Variants in KCTD8 observed in about 807,000 individuals in gnomAD.
KCTD8 encodes the protein potassium channel tetramerization domain containing 8.
Under a neutral mutation model 31.5 loss-of-function variants are expected in KCTD8, and 27 were observed. The ratio of observed to expected loss-of-function variants is 0.86; its 90% CI spans 0.63 to 1.18. The LOEUF is 1.18. KCTD8 is among the 50% of genes most tolerant of loss of function. KCTD8 has a pLI of 0.00. For synonymous variants in KCTD8, 290 were observed against 280.0 expected (o/e 1.04, Z -0.36); for missense variants, 658 against 647.7 (o/e 1.02, Z -0.17).
chr4:44,329,904 C>T (rs1303245593), intron 1 of KCTD8, among the ~76,000 whole-genome samples: 4 of 151,826 alleles, frequency 2.6e-5, no homozygotes, highest in African/African-American at 9.7e-5. Context: ...AAATGTAACT[C>T]TGACTTTTCA....
At chr4:44,252,514 C>G (rs1472503760) in intron 1 of KCTD8, among the ~76,000 whole-genome samples, 1 of 151,700 alleles carries the variant, frequency 6.6e-6, no homozygotes, top group African/African-American at 2.4e-5. Context: ...TATATCCAGG[C>G]CAACATCTGT....
chr4:44,270,485 T>C (rs1346310786), intron 1 of KCTD8, among the ~76,000 whole-genome samples: 1 of 151,868 alleles, frequency 6.6e-6, no homozygotes, highest in Non-Finnish European at 1.5e-5. Context: ...GGCAGATATA[T>C]ACATGTGTAA....
chr4:44,393,240 G>T (rs1006111608), intron 1 of KCTD8, among the ~76,000 whole-genome samples: 1 of 151,902 alleles, frequency 6.6e-6, no homozygotes, highest in African/African-American at 2.4e-5. Context: ...AGTATGATCA[G>T]GTTTCGGTAA....
chr4:44,270,891 A>C (rs993582178), intron 1 of KCTD8, among the ~76,000 whole-genome samples: 3 of 152,098 alleles, frequency 2.0e-5, no homozygotes, highest in African/African-American at 7.2e-5. Context: ...TCAGACTAGC[A>C]TTTCTTTTTA....
intron 1 of KCTD8, among the ~76,000 whole-genome samples, chr4:44,375,494 T>C (rs558216466): frequency 6.6e-6 from 1 of 152,284 alleles, no homozygotes; most frequent in Non-Finnish European, 1.5e-5. Flanking sequence ...GAGATGTCTC[T>C]GTTCCTGGTT....
chr4:44,275,606 A>C (rs544932140), intron 1 of KCTD8, among the ~76,000 whole-genome samples: 1 of 152,110 alleles, frequency 6.6e-6, no homozygotes, highest in Non-Finnish European at 1.5e-5. Context: ...AGGTTTAATC[A>C]AAGCTAAGAA....
At chr4:44,235,566 TATATATATA>T (rs1560402107) in intron 1 of KCTD8, among the ~76,000 whole-genome samples, 17 of 42,980 alleles carry the variant, frequency 4.0e-4, no homozygotes, top group East Asian at 2.8e-3. Context: ...TATATATATA[TATATATATA>T]TTTAGAGAGA....
At chr4:44,188,056 C>A (rs572558834) in intron 1 of KCTD8, among the ~76,000 whole-genome samples, 1 of 151,474 alleles carries the variant, frequency 6.6e-6, no homozygotes, top group Non-Finnish European at 1.5e-5. Context: ...GGAGCAGCAA[C>A]AATTGCCAGC....
intron 1 of KCTD8, among the ~76,000 whole-genome samples, chr4:44,216,787 C>T (rs1223338332): frequency 6.6e-6 from 1 of 152,132 alleles, no homozygotes; most frequent in Non-Finnish European, 1.5e-5. Flanking sequence ...TCTGTTCTGG[C>T]TGTTTTGTTT....
intron 1 of KCTD8, among the ~76,000 whole-genome samples, chr4:44,330,229 T>A (rs1024570546): frequency 9.9e-5 from 15 of 151,980 alleles, no homozygotes; most frequent in Non-Finnish European, 1.5e-5. Context: ...AATCTACAAA[T>A]GTGGGTCATA....
chr4:44,184,603 A>G (rs1380746229), intron 1 of KCTD8, among the ~76,000 whole-genome samples: 1 of 152,180 alleles, frequency 6.6e-6, no homozygotes. Context: ...CTTTAATTGT[A>G]AACTCCTCAA....
At chr4:44,237,549 T>C (rs1228032915) in intron 1 of KCTD8, among the ~76,000 whole-genome samples, 2 of 152,214 alleles carry the variant, frequency 1.3e-5, no homozygotes, top group South Asian at 2.1e-4. Context: ...CCAACTTGGA[T>C]AGACCAATAA....
chr4:44,366,071 A>G (rs1719625384), intron 1 of KCTD8, among the ~76,000 whole-genome samples: 1 of 152,190 alleles, frequency 6.6e-6, no homozygotes, highest in African/African-American at 2.4e-5. Flanking sequence ...CTGCATAAAT[A>G]TATTTATATG....
intron 1 of KCTD8, among the ~76,000 whole-genome samples, chr4:44,308,423 G>T (rs1245402787): frequency 6.6e-6 from 1 of 151,900 alleles, no homozygotes; most frequent in African/African-American, 2.4e-5. Context: ...AGGTATAATG[G>T]ATTGTGGACT....
intron 1 of KCTD8, among the ~76,000 whole-genome samples, chr4:44,328,156 A>G (rs1382324316): frequency 6.6e-6 from 1 of 151,988 alleles, no homozygotes; most frequent in African/African-American, 2.4e-5. Context: ...ATTTTGCAAA[A>G]AACATCAACA....
intron 1 of KCTD8, among the ~76,000 whole-genome samples, chr4:44,376,270 C>G (rs1719914360): frequency 6.6e-6 from 1 of 152,116 alleles, no homozygotes; most frequent in Non-Finnish European, 1.5e-5. Context: ...GTGGTGCTCT[C>G]TAGCTGGCTC....
intron 1 of KCTD8, among the ~76,000 whole-genome samples, chr4:44,322,221 T>C (rs1718313183): frequency 6.6e-6 from 1 of 152,082 alleles, no homozygotes; most frequent in African/African-American, 2.4e-5. Flanking sequence ...CCACCAACAG[T>C]GTACACGTGG....
chr4:44,422,679 G>C (rs946692809), intron 1 of KCTD8, among the ~76,000 whole-genome samples: 3 of 152,110 alleles, frequency 2.0e-5, no homozygotes, highest in African/African-American at 4.8e-5. Flanking sequence ...AAGAAGAGGA[G>C]TTTGGGGATA....
chr4:44,246,982 T>C (rs987115879), intron 1 of KCTD8, among the ~76,000 whole-genome samples: 6 of 151,902 alleles, frequency 3.9e-5, no homozygotes, highest in African/African-American at 1.4e-4. Flanking sequence ...TTTTGTTTTG[T>C]TTTAACTAAA....
Sources: allele counts gnomAD v4.1 joint callset (sites outside exome capture counted in the v4.1 genomes callset), GRCh38; gene constraint gnomAD v4.1.1; transcripts MANE v1.5; gene names NCBI Gene and HGNC (gene_info 2026-07-23, HGNC 2026-07-21).